CD200R1L: variants seen among roughly 807,000 people sequenced by gnomAD.
CD200R1L encodes the protein CD200 receptor 1 like.
CD200R1L carries 14 observed loss-of-function variants against 24.8 expected under a neutral mutation model. The observed-to-expected ratio is 0.56, with a 90% CI of 0.37 to 0.88. The LOEUF is 0.88. Among genes scored for constraint, CD200R1L ranks in the 40% least tolerant of loss-of-function variants. CD200R1L has a pLI of 0.00. For synonymous variants in CD200R1L, 111 were observed against 109.2 expected (o/e 1.02, Z -0.11); for missense variants, 299 against 297.8 (o/e 1.00, Z -0.03).
intron 6 of CD200R1L, 76 bp from the exon 7 acceptor site, chr3:112,819,971 A>C: frequency 7.4e-7 from 1 of 1,345,528 alleles, no homozygotes; most frequent in Non-Finnish European, 1.0e-6. Flanking sequence ...CATTTTAAAG[A>C]ACATTTTAAA....
intron 6 of CD200R1L, among the ~76,000 whole-genome samples, chr3:112,821,347 C>G (rs1460969055): frequency 6.6e-6 from 1 of 152,170 alleles, no homozygotes; most frequent in Non-Finnish European, 1.5e-5. Context: ...GCTCAAGACC[C>G]CAATTCACTA....
chr3:112,819,970 G>A (rs1938494787), intron 6 of CD200R1L, 75 bp from the exon 7 acceptor site: 2 of 1,356,776 alleles, frequency 1.5e-6, no homozygotes, highest in Non-Finnish European at 2.0e-6. Flanking sequence ...TCATTTTAAA[G>A]AACATTTTAA....
intron 7 of CD200R1L, among the ~76,000 whole-genome samples, chr3:112,816,911 C>T (rs1938409039): frequency 6.6e-6 from 1 of 152,120 alleles, no homozygotes; most frequent in Non-Finnish European, 1.5e-5. Context: ...TTGCCTGTCA[C>T]CATGTAAGAC....
At chr3:112,824,080 C>G (rs1457333092) in intron 6 of CD200R1L, among the ~76,000 whole-genome samples, 1 of 152,026 alleles carries the variant, frequency 6.6e-6, no homozygotes, top group Admixed American at 6.5e-5. Context: ...AGAGTTGTTA[C>G]AAGGACATTG....
At chr3:112,842,567 G>A (rs549132043) in intron 2 of CD200R1L, among the ~76,000 whole-genome samples, 3 of 152,160 alleles carry the variant, frequency 2.0e-5, no homozygotes, top group Non-Finnish European at 4.4e-5. Flanking sequence ...GACTGCCTGC[G>A]GGGTCGGGCA....
chr3:112,837,581 G>A (rs1938978688), intron 3 of CD200R1L, among the ~76,000 whole-genome samples: 1 of 152,142 alleles, frequency 6.6e-6, no homozygotes, highest in Admixed American at 6.5e-5. Context: ...TCCTTCTAGA[G>A]CCTGTGCAAA....
chr3:112,843,574 G>A (rs373355181), intron 2 of CD200R1L, among the ~76,000 whole-genome samples: 51 of 152,226 alleles, frequency 3.4e-4, no homozygotes, highest in African/African-American at 1.1e-3. Flanking sequence ...TTCTAAATGC[G>A]GAAATTTAAG....
At chr3:112,830,498 GTTTTTTT>G (rs11391916) in intron 3 of CD200R1L, among the ~76,000 whole-genome samples, 1 of 102,034 alleles carries the variant, frequency 9.8e-6, no homozygotes, top group Admixed American at 1.1e-4. Flanking sequence ...TGTCATTGCA[GTTTTTTT>G]TTTTTTTTTT....
chr3:112,823,632 A>G (rs547172005), intron 6 of CD200R1L, among the ~76,000 whole-genome samples: 59 of 152,318 alleles, frequency 3.9e-4, no homozygotes, highest in South Asian at 1.0e-3. Context: ...TGGAGGTGCT[A>G]TGACAGAGGC....
At chr3:112,846,351 A>C (rs1939201244) in intron 1 of CD200R1L, among the ~76,000 whole-genome samples, 2 of 152,214 alleles carry the variant, frequency 1.3e-5, no homozygotes, top group Non-Finnish European at 2.9e-5. Context: ...CTGTATAGTA[A>C]ATTTTCAATA....
chr3:112,819,531 C>T (rs895772266), intron 7 of CD200R1L, among the ~76,000 whole-genome samples: 1 of 152,204 alleles, frequency 6.6e-6, no homozygotes, highest in Non-Finnish European at 1.5e-5. Context: ...GGCCACTTCT[C>T]TCCTAGACTA....
At chr3:112,845,101 G>A (rs1013958052) in intron 2 of CD200R1L, among the ~76,000 whole-genome samples, 2 of 151,938 alleles carry the variant, frequency 1.3e-5, no homozygotes, top group Non-Finnish European at 2.9e-5. Context: ...ACCAAAAGGT[G>A]ACTCCTTGAA....
chr3:112,825,300 G>A (rs1465466096), intron 6 of CD200R1L, among the ~76,000 whole-genome samples: 1 of 149,366 alleles, frequency 6.7e-6, no homozygotes, highest in South Asian at 2.2e-4. Flanking sequence ...CAGAGGAATA[G>A]AAGCACTTAA....
At chr3:112,840,285 C>T (rs1479522855) in intron 2 of CD200R1L, among the ~76,000 whole-genome samples, 1 of 152,142 alleles carries the variant, frequency 6.6e-6, no homozygotes, top group Non-Finnish European at 1.5e-5. Context: ...GTTCTTCAGG[C>T]TGTATGGGAT....
intron 6 of CD200R1L, among the ~76,000 whole-genome samples, chr3:112,820,605 A>G (rs1394229976): frequency 1.3e-5 from 2 of 151,646 alleles, no homozygotes; most frequent in East Asian, 3.9e-4. Context: ...TAATTTTTGT[A>G]TTTTTAGGAG....
intron 5 of CD200R1L, 42 bp downstream of exon 5, chr3:112,827,325 A>T: frequency 1.9e-6 from 3 of 1,593,192 alleles, no homozygotes; most frequent in Non-Finnish European, 2.6e-6. Flanking sequence ...TTCAGTCACA[A>T]ATCTGGTGAT....
chr3:112,819,987 C>T lies in CD200R1L; in HGVS notation c.617-92G>A, dbSNP rs562151702. 418 of 1,210,948 alleles carry T rather than the reference C, an allele frequency of 3.5e-4. 1 individual carries two copies. The highest frequency in any genetic ancestry group is 3.9e-4 in the Non-Finnish European group (345 of 881,314). 75.0% of individuals were successfully genotyped at this position (1,210,948 alleles called of 1,614,324 possible). ...ATTTTAAAGAACATTTTAAAATATTCTTAAGAGTTCATGGACTGTCATAAT... is the reference window on the plus strand; with the variant it reads ...ATTTTAAAGAACATTTTAAAATATTTTTAAGAGTTCATGGACTGTCATAAT... On this transcript the variant is annotated intron_variant, in intron 6 of 7. Transcript: ENST00000488794.
intron 1 of CD200R1L, 70 bp from the exon 2 acceptor site, chr3:112,846,020 T>C (rs1939195753): frequency 3.1e-6 from 1 of 327,340 alleles, no homozygotes; most frequent in Non-Finnish European, 5.6e-6. Context: ...AGTAGCAAGA[T>C]AAACTATATA....
At chr3:112,833,533 C>T in intron 3 of CD200R1L, among the ~76,000 whole-genome samples, 1 of 152,144 alleles carries the variant, frequency 6.6e-6, no homozygotes, top group Non-Finnish European at 1.5e-5. Context: ...CTAAAACAAC[C>T]CATTATAAGC....
Sources: gnomAD v4.1 joint callset for allele counts (sites outside exome capture counted in the v4.1 genomes callset) on GRCh38, gnomAD v4.1.1 for gene constraint, MANE v1.5 for transcripts, NCBI Gene and HGNC (gene_info 2026-07-23, HGNC 2026-07-21) for gene names.